The following ZBTB20 variants were observed in gnomAD, a reference collection of about 807,000 sequenced individuals.
The protein encoded by ZBTB20 is zinc finger and BTB domain-containing protein 20.
ZBTB20 carries 9 observed loss-of-function variants against 56.9 expected under a neutral mutation model. That is an observed-to-expected ratio of 0.16 (90% confidence interval 0.10 to 0.28). The LOEUF (loss-of-function observed/expected upper bound fraction) is 0.28, where lower values mean the gene tolerates loss of function less well. ZBTB20 is among the 10% of genes least tolerant of loss of function. The pLI, the probability that ZBTB20 is intolerant of heterozygous loss-of-function variation, is 1.00. For synonymous variants in ZBTB20, 417 were observed against 420.7 expected (o/e 0.99, Z 0.11); for missense variants, 655 against 1,003.0 (o/e 0.65, Z 4.69).
At chr3:115,121,158 T>C (rs1163331696) in intron 1 of ZBTB20, among the ~76,000 whole-genome samples, 1 of 152,088 alleles carries the variant, frequency 6.6e-6, no homozygotes, top group African/African-American at 2.4e-5. Flanking sequence ...TAAAATTTCC[T>C]GAGTTCAAAT....
chr3:115,111,478 T>C (rs180860052), intron 1 of ZBTB20, among the ~76,000 whole-genome samples: 1 of 152,328 alleles, frequency 6.6e-6, no homozygotes, highest in Admixed American at 6.5e-5. Context: ...ATAAAATTCA[T>C]GTAACTTTTG....
chr3:114,704,314 T>C (rs2108394996), intron 5 of ZBTB20, among the ~76,000 whole-genome samples: 1 of 152,212 alleles, frequency 6.6e-6, no homozygotes, highest in South Asian at 2.1e-4. Context: ...TTTGGATCTA[T>C]ATTTATCTGC....
At chr3:114,829,164 T>G (rs549112245) in intron 4 of ZBTB20, among the ~76,000 whole-genome samples, 1 of 151,946 alleles carries the variant, frequency 6.6e-6, no homozygotes, top group Non-Finnish European at 1.5e-5. Context: ...CCAATTCAAC[T>G]TGCAAAGGAC....
intron 2 of ZBTB20, among the ~76,000 whole-genome samples, chr3:114,984,255 A>G (rs913946770): frequency 2.6e-5 from 4 of 152,088 alleles, no homozygotes; most frequent in African/African-American, 9.6e-5. Flanking sequence ...TCAATTATAC[A>G]TATATATATT....
chr3:114,528,835 A>T lies in ZBTB20; in HGVS notation c.-294-28444T>A, dbSNP rs189312693. 18 of 152,236 alleles carry T rather than the reference A, an allele frequency of 1.2e-4. No homozygotes were observed. The East Asian group carries it at 3.5e-3, about 29-fold the overall frequency. 9.4% of individuals were successfully genotyped at this position (152,236 alleles called of 1,614,324 possible). ...ACGTATTGCAGATTTTTTTTTCCTC[A>T]GAAATAGACTAATTTCCTCCGATGA... On this transcript the variant is annotated intron_variant, in intron 6 of 11. Coordinates refer to ENST00000675478, the MANE Select transcript of ZBTB20 (RefSeq NM_001348800.3).
At chr3:115,087,248 G>T (rs1226609740) in intron 1 of ZBTB20, among the ~76,000 whole-genome samples, 1 of 151,682 alleles carries the variant, frequency 6.6e-6, no homozygotes, top group African/African-American at 2.4e-5. Flanking sequence ...AATAAAAATG[G>T]CCTGTCTTTA....
intron 6 of ZBTB20, among the ~76,000 whole-genome samples, chr3:114,678,122 A>C (rs2061741467): frequency 6.6e-6 from 1 of 151,340 alleles, no homozygotes; most frequent in South Asian, 2.1e-4. Flanking sequence ...GAAATTTTAA[A>C]AGAAGGTTTT....
chr3:114,351,025 G>C lies in ZBTB20; in HGVS notation c.1053C>G (p.Asn351Lys). Residue 351 changes from asparagine to lysine, a missense_variant, in exon 11 of 12, where the codon AAC becomes AAG. Around this residue, in one of 10 missense-constraint regions of ZBTB20, gnomAD observed 156 missense variants for 181.0 expected, o/e 0.86. Transcript: ENST00000675478. ...GQQRVQILER[N>K]ESEECTEDTD... is the part of the protein sequence containing the mutation. ...TGTCTTCCGTGCACTCCTCGGATTC[G>C]TTGCGTTCCAGGATCTGCACCCTTT... is the stretch of plus-strand genomic sequence containing the variant. 6.2e-7 allele frequency: 1 copy of C among 1,611,702 alleles called. No individual in the cohort carries two copies. Among genetic ancestry groups the C allele is most frequent in the Non-Finnish European group, 8.5e-7 (1 of 1,179,930 alleles).
chr3:114,814,537 A>C (rs1317203778), intron 4 of ZBTB20, among the ~76,000 whole-genome samples: 1 of 152,168 alleles, frequency 6.6e-6, no homozygotes, highest in Non-Finnish European at 1.5e-5. Flanking sequence ...CTTCGAAGCT[A>C]TTCAAATCAG....
intron 3 of ZBTB20, among the ~76,000 whole-genome samples, chr3:114,928,342 C>G (rs1157329753): frequency 6.6e-6 from 1 of 151,378 alleles, no homozygotes; most frequent in African/African-American, 2.4e-5. Context: ...CAAGGTTCTT[C>G]AATGATGGAG....
intron 5 of ZBTB20, among the ~76,000 whole-genome samples, chr3:114,707,665 GA>G (rs2063797021): frequency 6.6e-6 from 1 of 152,196 alleles, no homozygotes; most frequent in Non-Finnish European, 1.5e-5. Context: ...GGAACTAGTA[GA>G]TTTTTTTTTC....
At chr3:115,059,301 A>G (rs1226790982) in intron 2 of ZBTB20, among the ~76,000 whole-genome samples, 1 of 152,152 alleles carries the variant, frequency 6.6e-6, no homozygotes, top group Non-Finnish European at 1.5e-5. Context: ...AAAGTATTAG[A>G]CATTTTTCTG....
At chr3:114,402,152 T>C (rs2086878687) in intron 7 of ZBTB20, among the ~76,000 whole-genome samples, 2 of 152,198 alleles carry the variant, frequency 1.3e-5, no homozygotes, top group South Asian at 4.1e-4. Flanking sequence ...TGGACTAGAC[T>C]AGTTCAAACC....
chr3:114,653,733 G>T (rs1194636152), intron 6 of ZBTB20, among the ~76,000 whole-genome samples: 1 of 151,782 alleles, frequency 6.6e-6, no homozygotes, highest in Non-Finnish European at 1.5e-5. Context: ...GAATTCTCCA[G>T]GGAAACTATC....
intron 4 of ZBTB20, among the ~76,000 whole-genome samples, chr3:114,890,190 T>A (rs1420390337): frequency 6.6e-6 from 1 of 152,168 alleles, no homozygotes; most frequent in Non-Finnish European, 1.5e-5. Flanking sequence ...GCAGTTAAAA[T>A]AGAAATTCCT....
chr3:114,674,818 ATTTCAAATGTG>A (rs1474002634), intron 6 of ZBTB20, among the ~76,000 whole-genome samples: 1 of 151,972 alleles, frequency 6.6e-6, no homozygotes, highest in Non-Finnish European at 1.5e-5. Flanking sequence ...ACTGAAAAAC[ATTTCAAATGTG>A]GTATTTGTTT....
chr3:114,453,907 G>A (rs1028963862), intron 7 of ZBTB20, among the ~76,000 whole-genome samples: 4 of 144,062 alleles, frequency 2.8e-5, no homozygotes, highest in Admixed American at 1.4e-4. Context: ...ACATATATCA[G>A]ACATTAAGCT....
At chr3:114,521,103 T>TA (rs1331828588) in intron 6 of ZBTB20, among the ~76,000 whole-genome samples, 2 of 152,178 alleles carry the variant, frequency 1.3e-5, no homozygotes, top group Non-Finnish European at 2.9e-5. Context: ...CTTTACCTGT[T>TA]AAAAACACAC....
chr3:114,686,824 G>C (rs1182749624), intron 6 of ZBTB20, among the ~76,000 whole-genome samples: 1 of 152,106 alleles, frequency 6.6e-6, no homozygotes, highest in Admixed American at 6.6e-5. Context: ...CAGTTTGGCA[G>C]AACTTCCTTC....
Sources: gnomAD v4.1 joint callset for allele counts (sites outside exome capture counted in the v4.1 genomes callset) on GRCh38, gnomAD v4.1.1 for gene constraint, gnomAD v4.1.1 regional missense constraint, MANE v1.5 for transcripts, NCBI Gene and HGNC (gene_info 2026-07-23, HGNC 2026-07-21) for gene names.